PLEKHH2: variants seen among roughly 807,000 people sequenced by gnomAD.
PLEKHH2 encodes the protein pleckstrin homology, MyTH4 and FERM domain containing H2.
A neutral mutation model predicts 187.9 loss-of-function variants in PLEKHH2; 129 were observed. That is an observed-to-expected ratio of 0.69 (90% CI 0.59 to 0.79). The LOEUF (loss-of-function observed/expected upper bound fraction) is 0.79. Among genes scored for constraint, PLEKHH2 ranks in the 30% least tolerant of loss-of-function variants. PLEKHH2 has a pLI of 0.00. For missense variants in PLEKHH2, 2,076 were observed against 1,751.2 expected (o/e 1.19, Z -3.31); for synonymous variants, 686 against 605.6 (o/e 1.13, Z -1.95).
Position 43,726,371 on chromosome 2 carries a change from T to C in PLEKHH2, c.2641T>C (p.Leu881=), listed in dbSNP as rs1422305757. 1 of 1,610,668 alleles carries C rather than the reference T, an allele frequency of 6.2e-7. No homozygotes were observed. Among genetic ancestry groups the C allele is most frequent in the Non-Finnish European group, 8.5e-7 (1 of 1,176,862 alleles). Residue 881 remains leucine, a synonymous_variant, in exon 17 of 30, where the codon TTA becomes CTA. Coordinates refer to ENST00000282406, the MANE Select transcript of PLEKHH2 (RefSeq NM_172069.4). Reference sequence around the variant, plus strand: ...TTATGAAGCCAGTGGACGAAGTCTGTTATCCACACATTATACTATCGTTAT... The same window carrying C: ...TTATGAAGCCAGTGGACGAAGTCTGCTATCCACACATTATACTATCGTTAT... ...EDYEASGRSL[L]STHYTIVIHP...
rs1484329633 is a variant in PLEKHH2, at chr2:43,708,735, G to A, written c.1966+1190G>A. On this transcript the variant is annotated intron_variant, in intron 11 of 29. Coordinates refer to ENST00000282406, the MANE Select transcript of PLEKHH2 (RefSeq NM_172069.4). ...ACACTGGCCCTGGTCCTGGGAGCCTGAGACTTGTGTTCCAACATTGCCCCT... is the reference window on the plus strand; with the variant it reads ...ACACTGGCCCTGGTCCTGGGAGCCTAAGACTTGTGTTCCAACATTGCCCCT... 3.3e-5 allele frequency among the ~76,000 whole-genome samples: 5 copies of A among 152,316 alleles called. No individual in the cohort carries two copies. In the East Asian group the frequency reaches 9.6e-4, roughly 29 times the overall value.
intron 2 of PLEKHH2, among the ~76,000 whole-genome samples, chr2:43,653,936 T>C (rs1666612708): frequency 6.6e-6 from 1 of 152,218 alleles, no homozygotes; most frequent in Non-Finnish European, 1.5e-5. Context: ...TGAACAATGA[T>C]TTAACCAAAG....
chr2:43,709,070 A>T (rs1246371282), intron 11 of PLEKHH2, among the ~76,000 whole-genome samples: 2 of 152,194 alleles, frequency 1.3e-5, no homozygotes, highest in Non-Finnish European at 2.9e-5. Context: ...GTGACTCATG[A>T]AATGTGGCTT....
At chr2:43,733,875 C>A (rs534089605) in intron 19 of PLEKHH2, among the ~76,000 whole-genome samples, 4 of 151,978 alleles carry the variant, frequency 2.6e-5, no homozygotes, top group African/African-American at 7.3e-5. Flanking sequence ...TAGAGTACAC[C>A]AATACCTAAA....
At chr2:43,674,156 T>C (rs1448983052) in intron 2 of PLEKHH2, among the ~76,000 whole-genome samples, 1 of 152,218 alleles carries the variant, frequency 6.6e-6, no homozygotes, top group Non-Finnish European at 1.5e-5. Flanking sequence ...AGCTGACTTT[T>C]ATCCTTCCTG....
At chr2:43,639,651 T>G (rs1004217481) in intron 1 of PLEKHH2, among the ~76,000 whole-genome samples, 1 of 20,896 alleles carries the variant, frequency 4.8e-5, no homozygotes, top group Non-Finnish European at 1.1e-4. Flanking sequence ...GATGTACCAC[T>G]TTTTTTTTTT....
intron 2 of PLEKHH2, among the ~76,000 whole-genome samples, chr2:43,654,908 T>G (rs894205090): frequency 3.3e-5 from 5 of 152,054 alleles, no homozygotes; most frequent in African/African-American, 1.2e-4. Flanking sequence ...ACGCCAGTAG[T>G]CCCAGCTACT....
At chr2:43,703,879 T>A in intron 8 of PLEKHH2, 102 bp from the exon 9 acceptor site, 1 of 754,772 alleles carries the variant, frequency 1.3e-6, no homozygotes, top group Non-Finnish European at 2.2e-6. Flanking sequence ...GAATCTTAAA[T>A]GAAGAACAAA....
At chr2:43,684,953 CT>C (rs996826847) in intron 3 of PLEKHH2, among the ~76,000 whole-genome samples, 1 of 152,224 alleles carries the variant, frequency 6.6e-6, no homozygotes, top group Middle Eastern at 3.4e-3. Flanking sequence ...TTCAGAAGGA[CT>C]TTTTTTCTTT....
At chr2:43,719,204 G>C (rs931968783) in intron 15 of PLEKHH2, among the ~76,000 whole-genome samples, 6 of 152,078 alleles carry the variant, frequency 3.9e-5, no homozygotes, top group Non-Finnish European at 7.4e-5. Flanking sequence ...GTTCAAATCT[G>C]TTACTCCAGG....
At chr2:43,764,458 A>G in intron 29 of PLEKHH2, 93 bp downstream of exon 29, 2 of 1,333,462 alleles carry the variant, frequency 1.5e-6, no homozygotes, top group East Asian at 2.5e-5. Flanking sequence ...TTGTTTTCAT[A>G]TTAAAACATT....
chr2:43,759,300 A>T (rs1311523777), intron 27 of PLEKHH2, among the ~76,000 whole-genome samples: 1 of 152,174 alleles, frequency 6.6e-6, no homozygotes, highest in Non-Finnish European at 1.5e-5. Flanking sequence ...TCTTCTGTTC[A>T]TTCATTCATC....
chr2:43,675,484 G>T, intron 2 of PLEKHH2: 2 of 1,613,942 alleles, frequency 1.2e-6, no homozygotes, highest in Non-Finnish European at 1.7e-6. Flanking sequence ...CATCTTTTGG[G>T]GGGTCAGTCC....
chr2:43,677,771 G>A (rs919140056), intron 2 of PLEKHH2, among the ~76,000 whole-genome samples: 2 of 151,150 alleles, frequency 1.3e-5, no homozygotes, highest in Non-Finnish European at 3.0e-5. Flanking sequence ...CCCAGTAGGG[G>A]TGGCTGGGCA....
At chr2:43,728,825 G>A (rs1335258591) in intron 17 of PLEKHH2, among the ~76,000 whole-genome samples, 1 of 152,062 alleles carries the variant, frequency 6.6e-6, no homozygotes, top group East Asian at 1.9e-4. Context: ...GCCTCTCAAA[G>A]TGCTGGGATT....
intron 2 of PLEKHH2, among the ~76,000 whole-genome samples, chr2:43,649,496 T>C (rs772209076): frequency 4.6e-5 from 7 of 152,250 alleles, no homozygotes; most frequent in Non-Finnish European, 7.3e-5. Flanking sequence ...GTGATCCCCT[T>C]GAAGCAGACT....
intron 19 of PLEKHH2, among the ~76,000 whole-genome samples, chr2:43,737,323 A>C (rs1671341738): frequency 6.6e-6 from 1 of 152,258 alleles, no homozygotes; most frequent in South Asian, 2.1e-4. Flanking sequence ...GTATGACAAT[A>C]CAATGGGTAA....
chr2:43,686,704 G>A (rs1167435211), intron 3 of PLEKHH2, among the ~76,000 whole-genome samples: 1 of 152,130 alleles, frequency 6.6e-6, no homozygotes, highest in Non-Finnish European at 1.5e-5. Context: ...AAATAATTGT[G>A]TTGTAAATGT....
chr2:43,728,312 C>T (rs918818139), intron 17 of PLEKHH2, among the ~76,000 whole-genome samples: 5 of 151,718 alleles, frequency 3.3e-5, no homozygotes, highest in African/African-American at 9.7e-5. Context: ...AACTCCATCT[C>T]TACTAAAAAT....
Sources: allele counts gnomAD v4.1 joint callset (sites outside exome capture counted in the v4.1 genomes callset), GRCh38; gene constraint gnomAD v4.1.1; transcripts MANE v1.5; gene names NCBI Gene and HGNC (gene_info 2026-07-23, HGNC 2026-07-21).